The following LRMDA variants were observed in gnomAD, a reference collection of about 807,000 sequenced individuals.
The protein encoded by LRMDA is leucine-rich melanocyte differentiation-associated protein.
A neutral mutation model predicts 29.8 loss-of-function variants in LRMDA; 18 were observed. The ratio of observed to expected loss-of-function variants is 0.60; its 90% CI spans 0.42 to 0.90. LRMDA has a LOEUF of 0.90. Among genes scored for constraint, LRMDA ranks in the 40% least tolerant of loss-of-function variants. LRMDA has a pLI of 0.00. For missense variants in LRMDA, 273 were observed against 273.9 expected, an observed-to-expected ratio of 1.00 and a Z score of 0.02; for synonymous variants, 125 against 109.4, an observed-to-expected ratio of 1.14 and a Z score of -0.89.
intron 5 of LRMDA, among the ~76,000 whole-genome samples, chr10:76,290,189 T>A (rs79323523): frequency 6.8e-4 from 104 of 152,298 alleles, no homozygotes; most frequent in Non-Finnish European, 1.3e-3. Flanking sequence ...TTACAATCTC[T>A]TTAATGGGCC....
intron 2 of LRMDA, among the ~76,000 whole-genome samples, chr10:75,575,120 C>T (rs868781670): frequency 2.0e-5 from 3 of 152,224 alleles, no homozygotes; most frequent in African/African-American, 7.2e-5. Context: ...CTCACTATGG[C>T]GACCAAGGGA....
rs1049587105 is a variant in LRMDA, at chr10:75,875,811, T to C, written c.132-160197T>C. 9.2e-5 allele frequency among the ~76,000 whole-genome samples: 14 copies of C among 152,178 alleles called. 1 individual carries two copies. Among genetic ancestry groups the C allele is most frequent in the Non-Finnish European group, 1.3e-4 (9 of 68,042 alleles). On this transcript the variant is annotated intron_variant, in intron 2 of 6. Coordinates refer to ENST00000611255, the MANE Select transcript of LRMDA (RefSeq NM_001305581.2). ...CATGGTGGTAAGATATGAGGCCTGA[T>C]TGGAAAGCAGTGATTGGACTCTGTT...
intron 2 of LRMDA, among the ~76,000 whole-genome samples, chr10:75,819,944 C>A (rs1844128566): frequency 6.6e-6 from 1 of 152,134 alleles, no homozygotes; most frequent in South Asian, 2.1e-4. Context: ...CATCAGTAAT[C>A]TTTTATTTTG....
At chr10:75,778,324 G>A (rs962926706) in intron 2 of LRMDA, among the ~76,000 whole-genome samples, 2 of 152,052 alleles carry the variant, frequency 1.3e-5, no homozygotes, top group Admixed American at 1.3e-4. Flanking sequence ...GTGATCCTCT[G>A]ACCTCATCCT....
intron 5 of LRMDA, among the ~76,000 whole-genome samples, chr10:76,277,565 T>C (rs1378235261): frequency 2.0e-5 from 3 of 152,228 alleles, no homozygotes; most frequent in Admixed American, 1.3e-4. Context: ...TTTTTGTGTC[T>C]TTTGCATGAT....
chr10:75,776,793 G>C (rs1045147883), intron 2 of LRMDA, among the ~76,000 whole-genome samples: 5 of 152,224 alleles, frequency 3.3e-5, no homozygotes, highest in Non-Finnish European at 7.3e-5. Context: ...TGGTTTTGGA[G>C]CAGCTATAAC....
intron 2 of LRMDA, among the ~76,000 whole-genome samples, chr10:75,843,052 G>A (rs1304604457): frequency 1.3e-5 from 2 of 152,146 alleles, no homozygotes; most frequent in African/African-American, 2.4e-5. Context: ...TAAATGAAGA[G>A]GTGGAAAGCC....
At chr10:76,428,242 G>A (rs189628476) in intron 6 of LRMDA, among the ~76,000 whole-genome samples, 47 of 152,194 alleles carry the variant, frequency 3.1e-4, no homozygotes, top group African/African-American at 1.1e-3. Flanking sequence ...GAGAGAGAGA[G>A]AGCATATCTA....
intron 5 of LRMDA, among the ~76,000 whole-genome samples, chr10:76,261,832 G>A (rs1441402945): frequency 6.6e-6 from 1 of 152,192 alleles, no homozygotes; most frequent in Non-Finnish European, 1.5e-5. Context: ...TGTGCCACAT[G>A]TGCACAATAG....
At chr10:76,466,872 C>T (rs563053346) in intron 6 of LRMDA, among the ~76,000 whole-genome samples, 2 of 152,292 alleles carry the variant, frequency 1.3e-5, no homozygotes, top group African/African-American at 4.8e-5. Flanking sequence ...GCTCTGCAGC[C>T]TTGCTTTTAT....
intron 5 of LRMDA, among the ~76,000 whole-genome samples, chr10:76,262,347 G>T (rs1232166959): frequency 6.6e-6 from 1 of 152,162 alleles, no homozygotes; most frequent in Non-Finnish European, 1.5e-5. Flanking sequence ...CTCCCAGCCT[G>T]CTCCACTCAT....
At chr10:75,854,800 G>A (rs1056994831) in intron 2 of LRMDA, among the ~76,000 whole-genome samples, 1 of 149,524 alleles carries the variant, frequency 6.7e-6, no homozygotes, top group South Asian at 2.1e-4. Context: ...TCCCACCTAT[G>A]AGCGAGAACA....
chr10:76,133,173 G>C (rs953253443), intron 5 of LRMDA, among the ~76,000 whole-genome samples: 39 of 151,928 alleles, frequency 2.6e-4, no homozygotes, highest in African/African-American at 9.4e-4. Flanking sequence ...GTTGAAGCAA[G>C]GGAAGTAAGG....
intron 4 of LRMDA, among the ~76,000 whole-genome samples, chr10:76,056,310 A>C (rs1848613283): frequency 1.3e-5 from 2 of 152,226 alleles, no homozygotes; most frequent in South Asian, 2.1e-4. Context: ...TGGCCACAGC[A>C]GGGTCCAGAA....
At chr10:75,809,154 G>A (rs1843912048) in intron 2 of LRMDA, among the ~76,000 whole-genome samples, 1 of 152,194 alleles carries the variant, frequency 6.6e-6, no homozygotes, top group African/African-American at 2.4e-5. Context: ...AGAGCTGAGT[G>A]TGTCCTGTCA....
In LRMDA at chr10:75,723,293, A is replaced by G. The variant is rs76049433; in HGVS notation, c.131+284799A>G. On this transcript the variant is annotated intron_variant, in intron 2 of 6. Coordinates refer to ENST00000611255, the MANE Select transcript of LRMDA (RefSeq NM_001305581.2). ...TCCCACCATGAATGGAACTGGGGAC[A>G]TTTAACCCAGGCTGAGCCCATTTTC... 6.7e-3 allele frequency among the ~76,000 whole-genome samples: 1,020 copies of G among 152,336 alleles called. 42 individuals carry two copies. The East Asian group carries it at 0.12, about 17-fold the overall frequency.
chr10:76,022,644 A>G (rs1847993981), intron 2 of LRMDA, among the ~76,000 whole-genome samples: 1 of 152,224 alleles, frequency 6.6e-6, no homozygotes, highest in South Asian at 2.1e-4. Context: ...TCCTTAGACC[A>G]GAATAATCTT....
intron 2 of LRMDA, among the ~76,000 whole-genome samples, chr10:75,694,814 C>T (rs568645150): frequency 8.5e-5 from 13 of 152,106 alleles, no homozygotes; most frequent in African/African-American, 1.2e-4. Flanking sequence ...CTAATTATGT[C>T]GAGGAATTGG....
At chr10:75,779,319 A>G (rs1025942196) in intron 2 of LRMDA, among the ~76,000 whole-genome samples, 3 of 152,142 alleles carry the variant, frequency 2.0e-5, no homozygotes, top group African/African-American at 7.2e-5. Flanking sequence ...ATTGGCCACC[A>G]CATTCTCCTC....
Sources: allele counts gnomAD v4.1 joint callset (sites outside exome capture counted in the v4.1 genomes callset), GRCh38; gene constraint gnomAD v4.1.1; transcripts MANE v1.5; gene names NCBI Gene and HGNC (gene_info 2026-07-23, HGNC 2026-07-21).